RCOR1: variants seen among roughly 807,000 people sequenced by gnomAD.
RCOR1 encodes REST corepressor.
In RCOR1, 12 loss-of-function variants were observed where a neutral mutation model predicts 64.0. That is an observed-to-expected ratio of 0.19 (90% CI 0.12 to 0.30). RCOR1 has a LOEUF of 0.30. RCOR1 is among the 10% of genes least tolerant of loss of function. The pLI is 1.00. For synonymous variants in RCOR1, 279 were observed against 227.2 expected, an observed-to-expected ratio of 1.23 and a Z score of -2.05; for missense variants, 502 against 621.2, an observed-to-expected ratio of 0.81 and a Z score of 2.04.
chr14:102,607,212 C>T (rs1388363539), intron 2 of RCOR1, among the ~76,000 whole-genome samples: 2 of 152,038 alleles, frequency 1.3e-5, no homozygotes, highest in East Asian at 1.9e-4. Flanking sequence ...GGATTATAGG[C>T]GTGAGCCACC....
chr14:102,628,060 A>G (rs1349864939), intron 2 of RCOR1, among the ~76,000 whole-genome samples: 1 of 152,058 alleles, frequency 6.6e-6, no homozygotes, highest in Non-Finnish European at 1.5e-5. Context: ...GAGATAGCTG[A>G]CAGGGTAAGT....
intron 2 of RCOR1, among the ~76,000 whole-genome samples, chr14:102,678,706 A>G (rs975509999): frequency 4.6e-5 from 7 of 152,206 alleles, no homozygotes; most frequent in Non-Finnish European, 1.0e-4. Context: ...AAAAACTGCA[A>G]AACTTTCCCA....
chr14:102,658,719 C>A, intron 2 of RCOR1: 1 of 781,384 alleles, frequency 1.3e-6, no homozygotes, highest in Non-Finnish European at 1.6e-6. Context: ...TATTTAGATT[C>A]CAATAGTTTT....
Position 102,727,405 on chromosome 14 carries a change from G to A in RCOR1, c.*899G>A, listed in dbSNP as rs1896289817. The A allele has an allele frequency of 6.6e-6, 1 of 152,004 alleles. No individual in the cohort carries two copies. Among genetic ancestry groups the A allele is most frequent in the Non-Finnish European group, 1.5e-5 (1 of 67,952 alleles). 9.4% of individuals were successfully genotyped at this position (152,004 alleles called of 1,614,324 possible). On this transcript the variant is annotated 3_prime_UTR_variant, in exon 12 of 12. Transcript: ENST00000262241. ...TTATCAATCCTTTTTCTGTTTTAGT[G>A]TCTTATTTCTTCTTTCAAGTTATTT...
At chr14:102,598,447 CTT>C (rs34776749) in intron 2 of RCOR1, among the ~76,000 whole-genome samples, 11 of 127,252 alleles carry the variant, frequency 8.6e-5, no homozygotes, top group Admixed American at 8.4e-5. Context: ...TGATTCAGTT[CTT>C]TTTTTTTTTT....
chr14:102,614,675 C>T (rs1893714463), intron 2 of RCOR1, among the ~76,000 whole-genome samples: 3 of 151,980 alleles, frequency 2.0e-5, no homozygotes, highest in African/African-American at 4.8e-5. Context: ...ATTTTTGTAC[C>T]GCATTCTTAG....
chr14:102,691,140 G>A (rs1567437118), intron 3 of RCOR1, among the ~76,000 whole-genome samples: 1 of 152,216 alleles, frequency 6.6e-6, no homozygotes. Flanking sequence ...CCCTGCCCAA[G>A]TGTAGCTTAC....
chr14:102,627,869 T>C (rs1894013133), intron 2 of RCOR1, among the ~76,000 whole-genome samples: 1 of 152,110 alleles, frequency 6.6e-6, no homozygotes, highest in Non-Finnish European at 1.5e-5. Context: ...TTGAAATATC[T>C]AACCCAAGAG....
intron 5 of RCOR1, 90 bp from the exon 6 acceptor site, chr14:102,708,375 C>T: frequency 1.3e-6 from 1 of 748,568 alleles, no homozygotes; most frequent in Non-Finnish European, 2.4e-6. Context: ...GCTGGGATTA[C>T]AGGCGTGAGC....
At chr14:102,653,675 T>C (rs927506666) in intron 2 of RCOR1, among the ~76,000 whole-genome samples, 15 of 152,008 alleles carry the variant, frequency 9.9e-5, no homozygotes, top group Admixed American at 2.0e-4. Context: ...TGATAGTGAG[T>C]GAGCTCTCGG....
chr14:102,662,492 T>TG, intron 2 of RCOR1: 2 of 527,730 alleles, frequency 3.8e-6, no homozygotes, highest in Non-Finnish European at 7.5e-6. Context: ...GATAATATGG[T>TG]GGTCAAGCTT....
intron 2 of RCOR1, among the ~76,000 whole-genome samples, chr14:102,613,928 TG>T (rs1893691917): frequency 6.8e-6 from 1 of 146,754 alleles, no homozygotes; most frequent in Non-Finnish European, 1.5e-5. Context: ...GTTTCGCTGT[TG>T]TTGCCCAGGC....
intron 2 of RCOR1, among the ~76,000 whole-genome samples, chr14:102,627,378 C>G: frequency 6.6e-6 from 1 of 152,156 alleles, no homozygotes; most frequent in Middle Eastern, 3.4e-3. Flanking sequence ...ACTTTTTTGC[C>G]GGGTGTGGTG....
In RCOR1 at chr14:102,627,329, T is replaced by A. The variant is rs181579075; in HGVS notation, c.361+34004T>A. On this transcript the variant is annotated intron_variant, in intron 2 of 11. Transcript: ENST00000262241. Reference sequence around the variant, plus strand: ...TTTTTCATCTCTGTTGTATCATTCTTATCAGCGTATTAAACGGGCTATTAC... The same window carrying A: ...TTTTTCATCTCTGTTGTATCATTCTAATCAGCGTATTAAACGGGCTATTAC... 2.2e-3 allele frequency among the ~76,000 whole-genome samples: 342 copies of A among 152,338 alleles called. 1 individual carries two copies. The highest frequency in any genetic ancestry group is 6.8e-3 in the Middle Eastern group (2 of 294).
rs551683711 is a variant in RCOR1, at chr14:102,708,720, A to G, written c.779+137A>G. On this transcript the variant is annotated intron_variant, in intron 6 of 11. Transcript: ENST00000262241. ...ACCACATGTTCATGAGATGTATTAG[A>G]GCGTGTCACATTATTCAGGTATTTT... The G allele has an allele frequency of 1.3e-5, 7 of 544,288 alleles. No individual in the cohort carries two copies. The South Asian group carries it at 1.6e-4, about 12-fold the overall frequency. 33.7% of individuals were successfully genotyped at this position (544,288 alleles called of 1,614,324 possible).
chr14:102,611,099 C>G (rs945225947), intron 2 of RCOR1, among the ~76,000 whole-genome samples: 1 of 152,008 alleles, frequency 6.6e-6, no homozygotes, highest in African/African-American at 2.4e-5. Flanking sequence ...GATGGAGTTT[C>G]GCTCTTGTTG....
chr14:102,721,543 C>A, intron 10 of RCOR1, 166 bp downstream of exon 10: 1 of 424,320 alleles, frequency 2.4e-6, no homozygotes, highest in Non-Finnish European at 4.2e-6. Flanking sequence ...AGAGGGAGAC[C>A]CTGACTTTAA....
intron 2 of RCOR1, among the ~76,000 whole-genome samples, chr14:102,659,451 A>G (rs1312703968): frequency 1.3e-5 from 2 of 152,358 alleles, no homozygotes; most frequent in South Asian, 2.1e-4. Context: ...GCAGAATACC[A>G]GGACAAGGAA....
At chr14:102,709,269 A>C (rs1031055437) in intron 6 of RCOR1, among the ~76,000 whole-genome samples, 1 of 152,182 alleles carries the variant, frequency 6.6e-6, no homozygotes, top group African/African-American at 2.4e-5. Context: ...AGGTGACTTC[A>C]ACATGCGTCT....
Sources: gnomAD v4.1 joint callset for allele counts (sites outside exome capture counted in the v4.1 genomes callset) on GRCh38, gnomAD v4.1.1 for gene constraint, MANE v1.5 for transcripts, NCBI Gene and HGNC (gene_info 2026-07-23, HGNC 2026-07-21) for gene names.